MAP3K5: variants seen among roughly 807,000 people sequenced by gnomAD.
MAP3K5 encodes ASK-1.
MAP3K5 carries 56 observed loss-of-function variants against 158.7 expected under a neutral mutation model. The observed-to-expected ratio is 0.35, with a 90% CI of 0.28 to 0.44. The LOEUF (loss-of-function observed/expected upper bound fraction) is 0.44, where lower values mean the gene tolerates loss of function less well. Ranked by LOEUF, MAP3K5 falls within the 20% of genes least tolerant of loss-of-function variation. The pLI, the probability that MAP3K5 is intolerant of heterozygous loss-of-function variation, is 1.00. For missense variants in MAP3K5, 1,294 were observed against 1,674.8 expected, an observed-to-expected ratio of 0.77 and a Z score of 3.97; for synonymous variants, 579 against 601.7, an observed-to-expected ratio of 0.96 and a Z score of 0.55.
chr6:136,611,198 T>C, intron 18 of MAP3K5, 84 bp downstream of exon 18: 1 of 707,614 alleles, frequency 1.4e-6, no homozygotes, highest in Non-Finnish European at 2.5e-6. Flanking sequence ...GAACACCAAC[T>C]GAATTTCTCT....
intron 2 of MAP3K5, among the ~76,000 whole-genome samples, chr6:136,716,253 A>C (rs1767444861): frequency 1.3e-5 from 2 of 151,908 alleles, no homozygotes; most frequent in African/African-American, 2.4e-5. Context: ...AATATTCCCA[A>C]ATTGCGCTTC....
chr6:136,715,805 C>T (rs71560609), intron 2 of MAP3K5, among the ~76,000 whole-genome samples: 5 of 151,828 alleles, frequency 3.3e-5, no homozygotes, highest in Non-Finnish European at 7.4e-5. Flanking sequence ...CCAACGGGGG[C>T]GGATTGCTTG....
intron 15 of MAP3K5, among the ~76,000 whole-genome samples, chr6:136,614,720 T>C (rs1776491590): frequency 6.6e-6 from 1 of 152,182 alleles, no homozygotes; most frequent in South Asian, 2.1e-4. Context: ...CAACACAACT[T>C]TATTATTGAC....
At chr6:136,600,929 G>A in intron 21 of MAP3K5, 93 bp downstream of exon 21, 1 of 1,318,418 alleles carries the variant, frequency 7.6e-7, no homozygotes, top group Non-Finnish European at 1.1e-6. Context: ...TGTAAGCCAG[G>A]AGCAGAGCAT....
chr6:136,679,229 T>C (rs1183088521), intron 7 of MAP3K5, among the ~76,000 whole-genome samples: 1 of 152,196 alleles, frequency 6.6e-6, no homozygotes, highest in Non-Finnish European at 1.5e-5. Context: ...AAAAGACTTT[T>C]CACTTTTTGC....
intron 1 of MAP3K5, among the ~76,000 whole-genome samples, chr6:136,783,618 G>A (rs1025810707): frequency 8.5e-5 from 13 of 152,172 alleles, no homozygotes; most frequent in South Asian, 6.2e-4. Context: ...CAGGTGGAGC[G>A]GGGCAAATGC....
chr6:136,593,809 G>A, intron 21 of MAP3K5: 2 of 374,200 alleles, frequency 5.3e-6, no homozygotes, highest in Admixed American at 3.7e-5. Context: ...AAAGAATGAA[G>A]GTATAAAATT....
At chr6:136,757,687 A>T (rs1582651865) in intron 1 of MAP3K5, among the ~76,000 whole-genome samples, 1 of 150,906 alleles carries the variant, frequency 6.6e-6, no homozygotes, top group East Asian at 2.0e-4. Flanking sequence ...TCCTGGTTCA[A>T]GCGATTCTCC....
intron 26 of MAP3K5, among the ~76,000 whole-genome samples, chr6:136,567,180 T>A (rs192368837): frequency 3.3e-5 from 5 of 152,362 alleles, no homozygotes; most frequent in Admixed American, 2.0e-4. Context: ...GTCAATTATC[T>A]TCCTTTTTAG....
Position 136,698,502 on chromosome 6 carries a change from G to C in MAP3K5, c.793C>G (p.Gln265Glu), listed in dbSNP as rs1168254859. 1 of 1,613,518 alleles carries C rather than the reference G, an allele frequency of 6.2e-7. No homozygotes were observed. Among genetic ancestry groups the C allele is most frequent in the East Asian group, 2.2e-5 (1 of 44,800 alleles). ...ATTAAACTTTACCTAGAACTTGCTT[G>C]TGCCACCTTCAAAAGTTGAATAAAA... Reference protein sequence around the residue: ...DRFIQLLKVAQASSSQYFRES... With the variant: ...DRFIQLLKVAEASSSQYFRES... The change falls in exon 4 of 30, where the codon CAA (glutamine) becomes GAA (glutamate). Residue 265 changes from glutamine to glutamate, a missense_variant. Physicochemically the swap from Gln to Glu is conservative, Grantham distance 29. This residue lies in a region of MAP3K5 where 690 missense variants were observed against 870.5 expected (regional missense o/e 0.79). Coordinates refer to ENST00000359015, the MANE Select transcript of MAP3K5 (RefSeq NM_005923.4).
At chr6:136,661,327 T>C (rs531700497) in intron 8 of MAP3K5, among the ~76,000 whole-genome samples, 10 of 152,314 alleles carry the variant, frequency 6.6e-5, no homozygotes, top group Non-Finnish European at 1.3e-4. Flanking sequence ...CCACTGCTGT[T>C]TCACGAGATG....
chr6:136,787,122 G>A (rs756506391), intron 1 of MAP3K5, among the ~76,000 whole-genome samples: 37 of 152,144 alleles, frequency 2.4e-4, no homozygotes, highest in Admixed American at 3.3e-4. Context: ...CAGCTCTTAG[G>A]GAGGCAGAGG....
At chr6:136,707,562 G>A (rs75402787) in intron 2 of MAP3K5, among the ~76,000 whole-genome samples, 4 of 151,918 alleles carry the variant, frequency 2.6e-5, no homozygotes, top group East Asian at 1.9e-4. Context: ...GTACTTGGGG[G>A]GGGGGGGAAC....
intron 1 of MAP3K5, among the ~76,000 whole-genome samples, chr6:136,757,179 G>A (rs1337892789): frequency 2.6e-5 from 4 of 152,214 alleles, no homozygotes; most frequent in Non-Finnish European, 5.9e-5. Context: ...CGTGGGGCAA[G>A]AGCCACGTGC....
chr6:136,669,321 C>T lies in MAP3K5; in HGVS notation c.1328G>A (p.Gly443Glu). 1 of 1,613,808 alleles carries T rather than the reference C, an allele frequency of 6.2e-7. No individual in the cohort carries two copies. Among genetic ancestry groups the T allele is most frequent in the Non-Finnish European group, 8.5e-7 (1 of 1,179,776 alleles). The change falls in exon 8 of 30, where the codon GGA becomes GAA. Residue 443 changes from glycine (G) to glutamate (E), a missense_variant. By Grantham distance (98) the Gly-to-Glu change is moderately conservative. Transcript: ENST00000359015. ...INYAVLLLAA[G>E]HQFESSFELR... ...CTCAAAGGAAGATTCAAACTGGTGT[C>T]CAGCTGCCAGGAGGAGGACCGCATA...
chr6:136,686,484 TC>T (rs1780153662), intron 7 of MAP3K5, among the ~76,000 whole-genome samples: 1 of 152,030 alleles, frequency 6.6e-6, no homozygotes, highest in African/African-American at 2.4e-5. Flanking sequence ...AGTCAAATTG[TC>T]TCTGTTTGCA....
intron 1 of MAP3K5, among the ~76,000 whole-genome samples, chr6:136,752,272 C>T (rs774597404): frequency 2.0e-5 from 3 of 152,154 alleles, no homozygotes; most frequent in Non-Finnish European, 1.5e-5. Context: ...CACCACCTAC[C>T]TTTCAAATCA....
chr6:136,630,162 G>A (rs1777273646), intron 14 of MAP3K5: 1 of 152,034 alleles, frequency 6.6e-6, no homozygotes, highest in Non-Finnish European at 1.5e-5. Flanking sequence ...CCTTAACCCT[G>A]ATCACCATCT....
intron 1 of MAP3K5, among the ~76,000 whole-genome samples, chr6:136,749,990 T>C (rs1416425821): frequency 6.6e-6 from 1 of 152,176 alleles, no homozygotes; most frequent in African/African-American, 2.4e-5. Flanking sequence ...ATTATCCAAA[T>C]GCCCTTGCCC....
Sources: allele counts gnomAD v4.1 joint callset (sites outside exome capture counted in the v4.1 genomes callset), GRCh38; gene constraint gnomAD v4.1.1; regional missense constraint gnomAD v4.1.1; transcripts MANE v1.5; gene names NCBI Gene and HGNC (gene_info 2026-07-23, HGNC 2026-07-21).